Variants in FBXL17 observed in about 807,000 individuals in gnomAD.
FBXL17 encodes the protein F-box and leucine rich repeat protein 17.
FBXL17 carries 22 observed loss-of-function variants against 66.2 expected under a neutral mutation model. That is an observed-to-expected ratio of 0.33 (90% CI 0.24 to 0.47). The LOEUF is 0.47. FBXL17 is among the 20% of genes least tolerant of loss of function. The pLI is 1.00. For synonymous variants in FBXL17, 474 were observed against 400.5 expected, an observed-to-expected ratio of 1.18 and a Z score of -2.19; for missense variants, 878 against 948.2, an observed-to-expected ratio of 0.93 and a Z score of 0.97.
At chr5:108,310,232 C>A (rs1370802797) in intron 4 of FBXL17, among the ~76,000 whole-genome samples, 4 of 152,042 alleles carry the variant, frequency 2.6e-5, no homozygotes, top group Non-Finnish European at 4.4e-5. Context: ...AGTGGACTTC[C>A]GTCTTCAATA....
chr5:108,264,446 AG>A (rs1230062662), intron 4 of FBXL17, among the ~76,000 whole-genome samples: 1 of 152,076 alleles, frequency 6.6e-6, no homozygotes, highest in East Asian at 1.9e-4. Flanking sequence ...AAAAAGAGAG[AG>A]TAGGTAAAAA....
intron 4 of FBXL17, among the ~76,000 whole-genome samples, chr5:108,303,723 A>C (rs188254256): frequency 2.0e-4 from 31 of 151,994 alleles, no homozygotes; most frequent in Non-Finnish European, 3.4e-4. Flanking sequence ...ATATTTTAAT[A>C]ATAATTTAAT....
chr5:108,031,257 C>G (rs961406711), intron 6 of FBXL17, among the ~76,000 whole-genome samples: 2 of 152,002 alleles, frequency 1.3e-5, no homozygotes, highest in African/African-American at 4.8e-5. Context: ...TTTATTTTAG[C>G]TGTTTACTTA....
chr5:107,940,859 A>G (rs966985645), intron 7 of FBXL17, among the ~76,000 whole-genome samples: 2 of 152,180 alleles, frequency 1.3e-5, no homozygotes, highest in African/African-American at 4.8e-5. Context: ...GCCTGACCCC[A>G]TCCCCAGAGA....
chr5:108,285,162 C>T (rs1757848089), intron 4 of FBXL17, among the ~76,000 whole-genome samples: 1 of 151,930 alleles, frequency 6.6e-6, no homozygotes, highest in South Asian at 2.1e-4. Flanking sequence ...TCAGTCACAT[C>T]TTCAGGCTTC....
rs1442694841 is a variant in FBXL17, at chr5:108,009,296, T to TAGATAGATAGATAGATAGATAGATAG, written c.1822+11628_1822+11629insCTATCTATCTATCTATCTATCTATCT. Among the ~76,000 whole-genome samples, 58 of 32,424 alleles carry TAGATAGATAGATAGATAGATAGATAG rather than the reference T, an allele frequency of 1.8e-3. 5 individuals are homozygous for TAGATAGATAGATAGATAGATAGATAG. Among genetic ancestry groups the TAGATAGATAGATAGATAGATAGATAG allele is most frequent in the African/African-American group, 4.2e-3 (44 of 10,478 alleles). The allele number at this position is 32,424 out of a possible 152,430, so 21.3% of individuals were successfully genotyped here. A position where few individuals can be genotyped will look rare whatever the true frequency, so the allele number is the denominator to read the frequency against. On this transcript the variant is annotated intron_variant, in intron 7 of 8. Transcript: ENST00000542267. Reference sequence around the variant, plus strand: ...ATATATATATATATATATATATATATATATACATATATACATACACATATA... The same window carrying TAGATAGATAGATAGATAGATAGATAG: ...ATATATATATATATATATATATATATAGATAGATAGATAGATAGATAGATAGATATACATATATACATACACATATA...
In FBXL17 at chr5:108,009,278, T is replaced by G. The variant is rs373294040; in HGVS notation, c.1822+11647A>C. On this transcript the variant is annotated intron_variant, in intron 7 of 8. Transcript: ENST00000542267. ...TCCCTGTTTTATATATATATATATA[T>G]ATATATATATATATATATATATACA... Among the ~76,000 whole-genome samples the G allele has an allele frequency of 4.2e-4, 21 of 50,566 alleles. 3 individuals are homozygous for G. The highest frequency in any genetic ancestry group is 2.0e-3 in the South Asian group (4 of 1,964). 33.2% of individuals were successfully genotyped at this position (50,566 alleles called of 152,430 possible). A position where few individuals can be genotyped will look rare whatever the true frequency, so the allele number is the denominator to read the frequency against.
intron 6 of FBXL17, among the ~76,000 whole-genome samples, chr5:108,029,734 AT>A (rs964678165): frequency 5.9e-5 from 9 of 152,000 alleles, no homozygotes; most frequent in Non-Finnish European, 1.2e-4. Context: ...TATGTAGTTT[AT>A]TTTTTTAATC....
chr5:108,321,217 T>C (rs1759603898), intron 4 of FBXL17, among the ~76,000 whole-genome samples: 1 of 151,900 alleles, frequency 6.6e-6, no homozygotes, highest in African/African-American at 2.4e-5. Context: ...AATGTTCACA[T>C]TTAACATCCT....
intron 7 of FBXL17, among the ~76,000 whole-genome samples, chr5:107,928,756 C>T (rs978729989): frequency 6.6e-6 from 1 of 152,068 alleles, no homozygotes; most frequent in Admixed American, 6.6e-5. Flanking sequence ...CTTTTGAGTC[C>T]TAGTCTTTCA....
intron 6 of FBXL17, among the ~76,000 whole-genome samples, chr5:108,126,152 C>T (rs1750688259): frequency 6.6e-6 from 1 of 151,958 alleles, no homozygotes; most frequent in South Asian, 2.1e-4. Flanking sequence ...AGGTGCCCTG[C>T]TAATAGCACA....
At chr5:108,267,868 C>G (rs1321642590) in intron 4 of FBXL17, among the ~76,000 whole-genome samples, 1 of 152,026 alleles carries the variant, frequency 6.6e-6, no homozygotes, top group East Asian at 1.9e-4. Context: ...GTCTCTAAGA[C>G]ATTATGAAAA....
At chr5:108,286,299 G>A (rs1206850037) in intron 4 of FBXL17, among the ~76,000 whole-genome samples, 1 of 151,672 alleles carries the variant, frequency 6.6e-6, no homozygotes, top group Non-Finnish European at 1.5e-5. Context: ...CAAGCAATTA[G>A]GCAAGAAAAA....
chr5:108,333,175 C>A (rs1484901956), intron 4 of FBXL17, among the ~76,000 whole-genome samples: 1 of 134,240 alleles, frequency 7.4e-6, no homozygotes, highest in African/African-American at 2.9e-5. Flanking sequence ...TATACATATT[C>A]AACATATTAT....
chr5:108,131,620 A>C (rs1750935807), intron 6 of FBXL17, among the ~76,000 whole-genome samples: 1 of 152,138 alleles, frequency 6.6e-6, no homozygotes, highest in South Asian at 2.1e-4. Context: ...GCAGCAAGAG[A>C]CCACTTTTTC....
At chr5:108,142,993 A>AATAATAATAATG (rs1215144873) in intron 6 of FBXL17, among the ~76,000 whole-genome samples, 2 of 150,550 alleles carry the variant, frequency 1.3e-5, no homozygotes, top group African/African-American at 4.9e-5. Context: ...TAATAATAAT[A>AATAATAATAATG]ATAATAATAA....
At chr5:108,276,669 C>A (rs1279429305) in intron 4 of FBXL17, among the ~76,000 whole-genome samples, 2 of 152,046 alleles carry the variant, frequency 1.3e-5, no homozygotes, top group East Asian at 3.8e-4. Context: ...ACAGCATATG[C>A]CAATCCAAAC....
At chr5:108,366,941 G>C (rs1748706007) in intron 2 of FBXL17, among the ~76,000 whole-genome samples, 1 of 152,082 alleles carries the variant, frequency 6.6e-6, no homozygotes, top group African/African-American at 2.4e-5. Context: ...AGAGTTTATA[G>C]TGTGCCCCTC....
intron 6 of FBXL17, among the ~76,000 whole-genome samples, chr5:108,048,442 G>A (rs1476820618): frequency 6.6e-6 from 1 of 152,126 alleles, no homozygotes; most frequent in Non-Finnish European, 1.5e-5. Flanking sequence ...TTACAGAACT[G>A]GGCAGAAGAT....
Sources: gnomAD v4.1 joint callset for allele counts (sites outside exome capture counted in the v4.1 genomes callset) on GRCh38, gnomAD v4.1.1 for gene constraint, MANE v1.5 for transcripts, NCBI Gene and HGNC (gene_info 2026-07-23, HGNC 2026-07-21) for gene names.